Variants in SLC15A4 observed in about 807,000 individuals in gnomAD.
SLC15A4 encodes the protein solute carrier family 15 member 4, also known as hPHT1.
A neutral mutation model predicts 46.1 loss-of-function variants in SLC15A4; 26 were observed. That is an observed-to-expected ratio of 0.56 (90% CI 0.41 to 0.78). The LOEUF (loss-of-function observed/expected upper bound fraction) is 0.78, where lower values mean the gene tolerates loss of function less well. SLC15A4 is among the 30% of genes least tolerant of loss of function. The probability of loss-of-function intolerance (pLI) is 0.00; values close to 1 mark genes in which losing one functional copy is unlikely to be tolerated. For synonymous variants in SLC15A4, 370 were observed against 333.4 expected, an observed-to-expected ratio of 1.11 and a Z score of -1.20; for missense variants, 751 against 755.7, an observed-to-expected ratio of 0.99 and a Z score of 0.07.
At chr12:128,817,620 T>A (rs1334378918) in intron 1 of SLC15A4, among the ~76,000 whole-genome samples, 1 of 152,230 alleles carries the variant, frequency 6.6e-6, no homozygotes, top group African/African-American at 2.4e-5. Flanking sequence ...CCTCTTCAGA[T>A]GAAGCATGAA....
intron 1 of SLC15A4, among the ~76,000 whole-genome samples, chr12:128,822,683 C>T (rs1178886281): frequency 6.6e-6 from 1 of 152,146 alleles, no homozygotes; most frequent in African/African-American, 2.4e-5. Context: ...TCCCGACTAG[C>T]TGAGAGAACA....
chr12:128,807,486 T>C (rs1774507130), intron 5 of SLC15A4, among the ~76,000 whole-genome samples: 1 of 152,130 alleles, frequency 6.6e-6, no homozygotes, highest in Non-Finnish European at 1.5e-5. Flanking sequence ...CATCAACCAG[T>C]GTGGTGACGG....
At chr12:128,811,317 G>C (rs1222781017) in intron 2 of SLC15A4, among the ~76,000 whole-genome samples, 3 of 152,210 alleles carry the variant, frequency 2.0e-5, no homozygotes, top group African/African-American at 2.4e-5. Flanking sequence ...TTTTACTATG[G>C]TGCCAGTATT....
intron 2 of SLC15A4, among the ~76,000 whole-genome samples, chr12:128,811,079 A>G (rs1422218431): frequency 6.6e-6 from 1 of 152,212 alleles, no homozygotes; most frequent in Non-Finnish European, 1.5e-5. Context: ...TATTTAGAAA[A>G]TGAACAGGCC....
At chr12:128,796,952 G>A (rs189304364) in intron 7 of SLC15A4, among the ~76,000 whole-genome samples, 9 of 152,284 alleles carry the variant, frequency 5.9e-5, no homozygotes, top group East Asian at 3.9e-4. Flanking sequence ...GACACACCAC[G>A]CCTCGTCAGG....
chr12:128,796,915 T>C (rs1593002270), intron 7 of SLC15A4, among the ~76,000 whole-genome samples: 1 of 150,606 alleles, frequency 6.6e-6, no homozygotes, highest in South Asian at 2.1e-4. Context: ...CCTGCGGGAG[T>C]GGAGGTGCGG....
At chr12:128,822,245 T>C (rs1955853951) in intron 1 of SLC15A4, among the ~76,000 whole-genome samples, 2 of 152,234 alleles carry the variant, frequency 1.3e-5, no homozygotes, top group Admixed American at 6.5e-5. Flanking sequence ...GCAGTTACAG[T>C]TGCAGGGGAG....
chr12:128,815,053 C>T lies in SLC15A4; in HGVS notation c.564G>A (p.Pro188=), dbSNP rs779926433. The T allele has an allele frequency of 3.7e-5, 59 of 1,608,508 alleles. No homozygotes were observed. The highest frequency in any genetic ancestry group is 3.1e-4 in the East Asian group (14 of 44,714). Residue 188 remains proline (P), a synonymous_variant, in exon 2 of 8, where the codon CCG becomes CCA. Coordinates refer to ENST00000266771, the MANE Select transcript of SLC15A4 (RefSeq NM_145648.4). ...FGADQVKDRG[P]EATRRFFNWF... is the part of the protein sequence containing the mutation. ...AATTAAAAAATCTCCTAGTGGCTTC[C>T]GGACCTCGATCTTTAACCTAAAATA...
At chr12:128,806,656 G>C (rs1280886335) in intron 5 of SLC15A4, among the ~76,000 whole-genome samples, 3 of 152,150 alleles carry the variant, frequency 2.0e-5, no homozygotes, top group South Asian at 2.1e-4. Context: ...ACTACTGGCG[G>C]GTAAAGCTTC....
chr12:128,821,229 A>T (rs1955831877), intron 1 of SLC15A4, among the ~76,000 whole-genome samples: 1 of 152,152 alleles, frequency 6.6e-6, no homozygotes, highest in African/African-American at 2.4e-5. Context: ...CTTCCTGCCC[A>T]TTCTACTTCC....
At chr12:128,799,815 A>T (rs1030075526) in intron 6 of SLC15A4, among the ~76,000 whole-genome samples, 1 of 152,194 alleles carries the variant, frequency 6.6e-6, no homozygotes, top group Non-Finnish European at 1.5e-5. Flanking sequence ...AAATCTACAT[A>T]AGGATTCTAT....
intron 7 of SLC15A4, among the ~76,000 whole-genome samples, chr12:128,796,513 C>T (rs1450214407): frequency 6.7e-6 from 1 of 150,248 alleles, no homozygotes; most frequent in African/African-American, 2.4e-5. Flanking sequence ...CTCATTCACA[C>T]CAATTAAAGA....
intron 1 of SLC15A4, among the ~76,000 whole-genome samples, chr12:128,820,025 G>A (rs1016057940): frequency 2.0e-5 from 3 of 152,192 alleles, no homozygotes; most frequent in African/African-American, 7.2e-5. Flanking sequence ...CAACTGTGGC[G>A]AGGCTTAAAT....
At chr12:128,807,444 C>T (rs543174746) in intron 5 of SLC15A4, among the ~76,000 whole-genome samples, 35 of 152,312 alleles carry the variant, frequency 2.3e-4, no homozygotes, top group African/African-American at 8.4e-4. Flanking sequence ...TCTCCTTTCC[C>T]ACAGGGAGGG....
chr12:128,801,335 T>C, intron 5 of SLC15A4: 2 of 195,588 alleles, frequency 1.0e-5, no homozygotes, highest in South Asian at 2.3e-4. Context: ...CAAAGGGGAG[T>C]AGGAGAAAGT....
In SLC15A4 at chr12:128,799,337, C is replaced by T. The variant is rs1955486839; in HGVS notation, c.1495G>A (p.Gly499Arg). Residue 499 changes from glycine to arginine, a missense_variant, in exon 7 of 8, where the codon GGG (glycine) becomes AGG (arginine). Physicochemically the swap from Gly to Arg is moderately radical, Grantham distance 125. Transcript: ENST00000266771. ...AGCAGTCCAGAACCCACGAACGACC[C>T]GACGCCAGAGAAGAAAAAGAACAAG... ...MGLFFFFSGV[G>R]SFVGSGLLAL... is the part of the protein sequence containing the mutation. 1.1e-5 allele frequency: 17 copies of T among 1,614,092 alleles called. No homozygotes were observed. The South Asian group carries it at 1.4e-4, about 14-fold the overall frequency.
intron 5 of SLC15A4, among the ~76,000 whole-genome samples, chr12:128,804,458 C>G (rs889825798): frequency 2.6e-5 from 4 of 152,104 alleles, no homozygotes; most frequent in Non-Finnish European, 4.4e-5. Context: ...AAAGCCAGGC[C>G]CAGTGGCTCA....
At chr12:128,807,503 G>C (rs778458909) in intron 5 of SLC15A4, among the ~76,000 whole-genome samples, 1 of 152,248 alleles carries the variant, frequency 6.6e-6, no homozygotes, top group East Asian at 1.9e-4. Context: ...ACGGGGCACA[G>C]AGAAGGCACT....
intron 2 of SLC15A4, among the ~76,000 whole-genome samples, chr12:128,810,597 C>A (rs959898305): frequency 2.6e-5 from 4 of 152,090 alleles, no homozygotes; most frequent in Non-Finnish European, 5.9e-5. Context: ...GTTAATAAAA[C>A]CCTGCTGGTT....
Sources: allele counts gnomAD v4.1 joint callset (sites outside exome capture counted in the v4.1 genomes callset), GRCh38; gene constraint gnomAD v4.1.1; transcripts MANE v1.5; gene names NCBI Gene and HGNC (gene_info 2026-07-23, HGNC 2026-07-21).